The following SCHIP1 variants were observed in gnomAD, a reference collection of about 807,000 sequenced individuals.
SCHIP1 encodes the protein schwannomin interacting protein 1, also known as schwannomin-interacting protein 1.
In SCHIP1, 8 loss-of-function variants were observed where a neutral mutation model predicts 29.7. The observed-to-expected ratio is 0.27, with a 90% CI of 0.16 to 0.49. SCHIP1 has a LOEUF of 0.49. Ranked by LOEUF, SCHIP1 falls within the 20% of genes least tolerant of loss-of-function variation. The pLI is 0.99. For missense variants in SCHIP1, 193 were observed against 294.6 expected (o/e 0.66, Z 2.52); for synonymous variants, 76 against 94.9 (o/e 0.80, Z 1.16).
At chr3:159,388,385 A>T in the SCHIP1 span, among the ~76,000 whole-genome samples, 1 of 152,118 alleles carries the variant, frequency 6.6e-6, no homozygotes, top group African/African-American at 2.4e-5. Context: ...TAAAACCTAA[A>T]TGAAGGGACC....
the SCHIP1 span, among the ~76,000 whole-genome samples, chr3:159,436,393 T>C: frequency 7.2e-5 from 11 of 152,196 alleles, no homozygotes; most frequent in South Asian, 2.1e-3. Context: ...CTTCAGCAGG[T>C]TGCTTTGAGG....
the SCHIP1 span, among the ~76,000 whole-genome samples, chr3:159,713,148 T>G: frequency 1.2e-5 from 1 of 85,086 alleles, no homozygotes; most frequent in African/African-American, 4.8e-5. Context: ...AGAGTGAAAC[T>G]CCATCAAAAA....
At chr3:159,765,099 G>A in the SCHIP1 span, 2 of 1,572,424 alleles carry the variant, frequency 1.3e-6, no homozygotes, top group African/African-American at 1.4e-5. Flanking sequence ...GGGAGCAGGA[G>A]GTACGGAACC....
chr3:159,505,338 G>T, the SCHIP1 span, among the ~76,000 whole-genome samples: 4 of 151,976 alleles, frequency 2.6e-5, no homozygotes, highest in Non-Finnish European at 5.9e-5. Context: ...CAAATAATTT[G>T]GAAAGATAAT....
chr3:159,707,665 G>T, the SCHIP1 span, among the ~76,000 whole-genome samples: 1 of 152,048 alleles, frequency 6.6e-6, no homozygotes. Flanking sequence ...TGTTATGAAC[G>T]AGATCCCATA....
chr3:159,379,990 G>T, the SCHIP1 span, among the ~76,000 whole-genome samples: 1 of 152,164 alleles, frequency 6.6e-6, no homozygotes, highest in African/African-American at 2.4e-5. Flanking sequence ...ATTTTGCATT[G>T]CAGAGCCCTA....
At chr3:159,602,849 G>A in the SCHIP1 span, among the ~76,000 whole-genome samples, 1 of 152,118 alleles carries the variant, frequency 6.6e-6, no homozygotes, top group Admixed American at 6.5e-5. Context: ...GTGACCAAAT[G>A]TGTGGGGTAT....
chr3:159,456,602 G>C, the SCHIP1 span, among the ~76,000 whole-genome samples: 2 of 152,112 alleles, frequency 1.3e-5, no homozygotes, highest in African/African-American at 4.8e-5. Flanking sequence ...AGATCATTTG[G>C]GGGACAGAAG....
At chr3:159,696,325 A>C in the SCHIP1 span, among the ~76,000 whole-genome samples, 6 of 152,158 alleles carry the variant, frequency 3.9e-5, no homozygotes, top group Non-Finnish European at 8.8e-5. Context: ...ACATACACTG[A>C]CTGTTTTCTC....
chr3:159,385,850 C>A, the SCHIP1 span, among the ~76,000 whole-genome samples: 1 of 152,118 alleles, frequency 6.6e-6, no homozygotes, highest in Admixed American at 6.5e-5. Context: ...CCCCTAGCCC[C>A]CCATCCCCTG....
chr3:159,528,055 G>T, the SCHIP1 span, among the ~76,000 whole-genome samples: 1 of 152,124 alleles, frequency 6.6e-6, no homozygotes, highest in Non-Finnish European at 1.5e-5. Flanking sequence ...CTAATGATGT[G>T]CTAATTACCT....
chr3:159,637,453 T>C, the SCHIP1 span, among the ~76,000 whole-genome samples: 3 of 148,912 alleles, frequency 2.0e-5, no homozygotes, highest in Admixed American at 1.4e-4. Context: ...GGGTGGGAGA[T>C]AGGAGTAACC....
At chr3:159,823,763 G>A in the SCHIP1 span, among the ~76,000 whole-genome samples, 2 of 152,158 alleles carry the variant, frequency 1.3e-5, no homozygotes, top group Non-Finnish European at 2.9e-5. Flanking sequence ...CAGGCTTCAT[G>A]GGTATGTGAC....
At chr3:159,567,641 A>G in the SCHIP1 span, among the ~76,000 whole-genome samples, 1 of 152,108 alleles carries the variant, frequency 6.6e-6, no homozygotes, top group Non-Finnish European at 1.5e-5. Flanking sequence ...TTTTTTCTCT[A>G]CAATAGTACT....
the SCHIP1 span, among the ~76,000 whole-genome samples, chr3:159,826,359 AAT>A: frequency 6.6e-6 from 1 of 152,150 alleles, no homozygotes; most frequent in Non-Finnish European, 1.5e-5. Context: ...CTGCTGCAGA[AAT>A]CCCGTCTGTC....
At chr3:159,611,124 A>G in the SCHIP1 span, among the ~76,000 whole-genome samples, 1 of 152,172 alleles carries the variant, frequency 6.6e-6, no homozygotes, top group Non-Finnish European at 1.5e-5. Context: ...GCAGGGCAGA[A>G]ATATAATTCA....
At chr3:159,697,234 C>T in the SCHIP1 span, among the ~76,000 whole-genome samples, 1 of 152,102 alleles carries the variant, frequency 6.6e-6, no homozygotes, top group African/African-American at 2.4e-5. Context: ...GATTTGTTGA[C>T]TTATTAGGAA....
At chr3:159,860,520 C>T (rs532743778) in intron 1 of SCHIP1, among the ~76,000 whole-genome samples, 11 of 152,262 alleles carry the variant, frequency 7.2e-5, no homozygotes, top group African/African-American at 1.2e-4. Context: ...GGATGCTAGA[C>T]GTGGTATCTG....
chr3:159,449,682 C>A, the SCHIP1 span, among the ~76,000 whole-genome samples: 1 of 152,120 alleles, frequency 6.6e-6, no homozygotes, highest in South Asian at 2.1e-4. Flanking sequence ...AAACTGAAAT[C>A]TATGGTCACT....
Sources: gnomAD v4.1 joint callset for allele counts (sites outside exome capture counted in the v4.1 genomes callset) on GRCh38, gnomAD v4.1.1 for gene constraint, MANE v1.5 for transcripts, NCBI Gene and HGNC (gene_info 2026-07-23, HGNC 2026-07-21) for gene names.